The following GPM6A variants were observed in gnomAD, a reference collection of about 807,000 sequenced individuals.
GPM6A encodes the protein neuronal membrane glycoprotein M6-a.
In GPM6A, 7 loss-of-function variants were observed where a neutral mutation model predicts 32.1. The observed-to-expected ratio is 0.22, with a 90% confidence interval of 0.12 to 0.41. GPM6A has a LOEUF of 0.41. Ranked by LOEUF, GPM6A falls within the 10% of genes least tolerant of loss-of-function variation. GPM6A has a pLI of 1.00. For synonymous variants in GPM6A, 130 were observed against 123.4 expected, an observed-to-expected ratio of 1.05 and a Z score of -0.35; for missense variants, 235 against 347.2, an observed-to-expected ratio of 0.68 and a Z score of 2.57.
chr4:175,927,615 T>TGG (rs1295834076), intron 1 of GPM6A, among the ~76,000 whole-genome samples: 7 of 152,254 alleles, frequency 4.6e-5, no homozygotes, highest in African/African-American at 1.7e-4. Context: ...CCAGGCACGG[T>TGG]GGCTCACGCC....
chr4:175,668,718 GA>G (rs1742889556), intron 3 of GPM6A, among the ~76,000 whole-genome samples: 1 of 152,054 alleles, frequency 6.6e-6, no homozygotes, highest in South Asian at 2.1e-4. Flanking sequence ...TTGTATTTGT[GA>G]AAAGAGACAA....
chr4:175,655,588 A>T (rs1325667147), intron 3 of GPM6A, among the ~76,000 whole-genome samples: 2 of 151,886 alleles, frequency 1.3e-5, no homozygotes, highest in East Asian at 1.9e-4. Flanking sequence ...AATGTGAAAA[A>T]TTTTTCTGAT....
chr4:175,978,209 C>T (rs1489488817), intron 1 of GPM6A, among the ~76,000 whole-genome samples: 1 of 152,136 alleles, frequency 6.6e-6, no homozygotes, highest in African/African-American at 2.4e-5. Flanking sequence ...AACTTACAAT[C>T]ATGGCAGAAG....
At chr4:175,954,107 A>T (rs1439829582) in intron 1 of GPM6A, among the ~76,000 whole-genome samples, 2 of 152,180 alleles carry the variant, frequency 1.3e-5, no homozygotes, top group Non-Finnish European at 2.9e-5. Context: ...CCTAGAGGGC[A>T]GTATAGTCTA....
At chr4:175,699,551 C>T (rs1162393916) in intron 2 of GPM6A, among the ~76,000 whole-genome samples, 1 of 152,160 alleles carries the variant, frequency 6.6e-6, no homozygotes, top group African/African-American at 2.4e-5. Flanking sequence ...TAGCGAAGCT[C>T]TCACTTGATA....
At chr4:175,701,921 A>T (rs1744902393) in intron 1 of GPM6A, among the ~76,000 whole-genome samples, 154 bp from the exon 2 acceptor site, 1 of 152,186 alleles carries the variant, frequency 6.6e-6, no homozygotes, top group Admixed American at 6.5e-5. Context: ...GGATACTAAG[A>T]TCAAATTCCT....
intron 1 of GPM6A, among the ~76,000 whole-genome samples, chr4:175,985,787 A>G (rs963641138): frequency 4.6e-5 from 7 of 152,086 alleles, no homozygotes; most frequent in African/African-American, 1.7e-4. Flanking sequence ...ATTTTATTAA[A>G]TATGTTTTCT....
At chr4:175,785,779 A>G (rs1733774853) in intron 1 of GPM6A, among the ~76,000 whole-genome samples, 1 of 152,192 alleles carries the variant, frequency 6.6e-6, no homozygotes, top group Admixed American at 6.5e-5. Flanking sequence ...ATAAAGACAA[A>G]TAAGATTACT....
At chr4:175,929,452 G>T (rs1738955956) in intron 1 of GPM6A, among the ~76,000 whole-genome samples, 1 of 152,182 alleles carries the variant, frequency 6.6e-6, no homozygotes. Flanking sequence ...GTGGAAAGAT[G>T]TGTAAAACAA....
At chr4:175,671,887 C>CA (rs893205296) in intron 3 of GPM6A, among the ~76,000 whole-genome samples, 16 of 147,900 alleles carry the variant, frequency 1.1e-4, no homozygotes, top group Non-Finnish European at 2.0e-4. Flanking sequence ...GCTGGGCTGA[C>CA]ACCCTGCTGC....
chr4:175,635,783 C>G (rs1467178649), intron 6 of GPM6A, among the ~76,000 whole-genome samples: 1 of 152,060 alleles, frequency 6.6e-6, no homozygotes, highest in East Asian at 1.9e-4. Context: ...TTTCTTCCCT[C>G]TTGGTCCACA....
chr4:175,905,491 A>G lies in GPM6A; in HGVS notation c.-22-93242T>C, dbSNP rs73011969. Among the ~76,000 whole-genome samples, 558 of 152,070 alleles carry G rather than the reference A, an allele frequency of 3.7e-3. 2 individuals are homozygous for G. Among genetic ancestry groups the G allele is most frequent in the African/African-American group, 0.013 (526 of 41,488 alleles). On this transcript the variant is annotated intron_variant, in intron 1 of 7. Transcript: ENST00000280187. ...GCCCAGGGAAGCCAAAAGATTGGACACCCCTGGAGATCATCTCTGGTGATT... is the reference window on the plus strand; with the variant it reads ...GCCCAGGGAAGCCAAAAGATTGGACGCCCCTGGAGATCATCTCTGGTGATT...
chr4:175,803,366 A>G (rs1320718844), intron 1 of GPM6A, among the ~76,000 whole-genome samples: 6 of 152,214 alleles, frequency 3.9e-5, no homozygotes, highest in Admixed American at 6.5e-5. Context: ...AGTGACAAAC[A>G]TTTAAGAAAT....
chr4:175,851,334 A>C (rs561307923), intron 1 of GPM6A, among the ~76,000 whole-genome samples: 105 of 152,168 alleles, frequency 6.9e-4, no homozygotes, highest in Non-Finnish European at 1.2e-3. Context: ...AAAATACAAA[A>C]ATTAGCTGAG....
chr4:175,867,693 T>C (rs1449143254), intron 1 of GPM6A, among the ~76,000 whole-genome samples: 2 of 152,166 alleles, frequency 1.3e-5, no homozygotes, highest in African/African-American at 2.4e-5. Flanking sequence ...TAGTGTTGCA[T>C]TGTAGTAAGT....
intron 1 of GPM6A, among the ~76,000 whole-genome samples, chr4:175,811,377 C>T (rs937113577): frequency 1.3e-5 from 2 of 152,128 alleles, no homozygotes; most frequent in Admixed American, 1.3e-4. Flanking sequence ...GAGAGAAACG[C>T]TGCCTATCTG....
chr4:175,997,579 C>T (rs1326660749), intron 1 of GPM6A, among the ~76,000 whole-genome samples: 1 of 151,814 alleles, frequency 6.6e-6, no homozygotes, highest in Admixed American at 6.6e-5. Context: ...ATTTATAGGA[C>T]CCATTCAAAG....
chr4:175,786,561 C>A (rs917875799), intron 1 of GPM6A, among the ~76,000 whole-genome samples: 5 of 152,000 alleles, frequency 3.3e-5, no homozygotes, highest in African/African-American at 1.2e-4. Context: ...CTTTACCCAG[C>A]ACCTTCTCCT....
chr4:175,934,208 C>T (rs939864919), intron 1 of GPM6A, among the ~76,000 whole-genome samples: 1 of 152,052 alleles, frequency 6.6e-6, no homozygotes, highest in Admixed American at 6.6e-5. Context: ...GGTTGCATTC[C>T]ATTGTGGGTA....
Sources: allele counts gnomAD v4.1 joint callset (sites outside exome capture counted in the v4.1 genomes callset), GRCh38; gene constraint gnomAD v4.1.1; transcripts MANE v1.5; gene names NCBI Gene and HGNC (gene_info 2026-07-23, HGNC 2026-07-21).